RTTN: variants seen among roughly 807,000 people sequenced by gnomAD.
RTTN encodes rotatin.
RTTN carries 182 observed loss-of-function variants against 269.2 expected under a neutral mutation model. The observed-to-expected ratio is 0.68, with a 90% CI of 0.60 to 0.76. RTTN has a LOEUF of 0.76. Among genes scored for constraint, RTTN ranks in the 30% least tolerant of loss-of-function variants. The pLI is 0.00. For missense variants in RTTN, 2,545 were observed against 2,608.6 expected (o/e 0.98, Z 0.53); for synonymous variants, 1,006 against 963.5 (o/e 1.04, Z -0.82).
intron 10 of RTTN, among the ~76,000 whole-genome samples, chr18:70,184,707 T>TG (rs2061496322): frequency 1.6e-5 from 1 of 60,728 alleles, no homozygotes. Flanking sequence ...CAGCAGGTTT[T>TG]TTTTTTTTTT....
At chr18:70,044,873 A>C (rs1221386779) in intron 40 of RTTN, among the ~76,000 whole-genome samples, 1 of 152,174 alleles carries the variant, frequency 6.6e-6, no homozygotes, top group African/African-American at 2.4e-5. Flanking sequence ...TTAAGACGTT[A>C]AGTATTGTGT....
rs570387649 is a variant in RTTN, at chr18:70,087,748, T to TA, written c.4302+240dup. Reference sequence around the variant, plus strand: ...CTGTGAACTACCTTTCAATGCATAATAAAAAAAGTTCACATTAAAATATAG... The same window carrying TA: ...CTGTGAACTACCTTTCAATGCATAATAAAAAAAAGTTCACATTAAAATATAG... On this transcript the variant is annotated intron_variant, in intron 31 of 48. Transcript: ENST00000640769. Among the ~76,000 whole-genome samples the TA allele has an allele frequency of 2.3e-3, 352 of 152,186 alleles. 1 individual carries two copies. The highest frequency in any genetic ancestry group is 8.1e-3 in the African/African-American group (337 of 41,522).
At chr18:70,034,733 T>C (rs559760865) in intron 40 of RTTN, among the ~76,000 whole-genome samples, 2 of 152,244 alleles carry the variant, frequency 1.3e-5, no homozygotes, top group African/African-American at 2.4e-5. Context: ...GGCATCCAAA[T>C]AGGAAGAGAG....
chr18:70,074,480 C>A (rs1305055105), intron 33 of RTTN, among the ~76,000 whole-genome samples: 2 of 152,004 alleles, frequency 1.3e-5, no homozygotes, highest in African/African-American at 4.8e-5. Flanking sequence ...CTTAATAATT[C>A]GGGGATAAAG....
intron 46 of RTTN, 132 bp from the exon 47 acceptor site, chr18:70,006,616 CA>C: frequency 1.5e-6 from 1 of 673,688 alleles, no homozygotes; most frequent in East Asian, 2.7e-5. Context: ...TAGACTATGG[CA>C]AAACCAATCT....
intron 5 of RTTN, 148 bp from the exon 6 acceptor site, chr18:70,197,886 T>A: frequency 3.3e-6 from 2 of 607,608 alleles, no homozygotes; most frequent in African/African-American, 1.9e-5. Flanking sequence ...ATCTTTTCCC[T>A]AACCAATAAA....
chr18:70,060,084 A>G (rs1275298011), intron 35 of RTTN, 42 bp from the exon 36 acceptor site: 1 of 1,461,320 alleles, frequency 6.8e-7, no homozygotes, highest in Non-Finnish European at 9.2e-7. Flanking sequence ...TTTACCTTAC[A>G]GCTATGTACA....
intron 40 of RTTN, chr18:70,031,362 T>C (rs2057007839): frequency 1.0e-5 from 4 of 399,988 alleles, no homozygotes; most frequent in Non-Finnish European, 1.8e-5. Flanking sequence ...ATTTCCTCCT[T>C]TCTCCTTCTG....
In RTTN at chr18:70,024,752, G is replaced by C; in HGVS notation, c.5920C>G (p.Leu1974Val). 1.9e-6 allele frequency: 3 copies of C among 1,613,840 alleles called. No homozygotes were observed. Residue 1974 changes from leucine to valine, a missense_variant, in exon 44 of 49, where the codon CTT (leucine) becomes GTT (valine). Transcript: ENST00000640769. ...DSLMQISLQL[L>V]CVYTANFPNG... ...GGAAAATTTGCAGTATAGACACAAAGGAGCTGCAGAGAAATTTGCATCAAT... is the reference window on the plus strand; with the variant it reads ...GGAAAATTTGCAGTATAGACACAAACGAGCTGCAGAGAAATTTGCATCAAT...
At chr18:70,199,533 A>T (rs2061898174) in intron 4 of RTTN, 29 bp from the exon 5 acceptor site, 4 of 1,426,428 alleles carry the variant, frequency 2.8e-6, no homozygotes, top group Non-Finnish European at 4.0e-6. Context: ...ATCTTATGGT[A>T]TCAAAGAATA....
intron 25 of RTTN, among the ~76,000 whole-genome samples, chr18:70,123,486 C>T (rs528337544): frequency 6.6e-6 from 1 of 152,228 alleles, no homozygotes; most frequent in East Asian, 1.9e-4. Flanking sequence ...TCCCTTTTCC[C>T]TACCCATATC....
chr18:70,060,085 G>T, intron 35 of RTTN, 43 bp from the exon 36 acceptor site: 1 of 1,456,990 alleles, frequency 6.9e-7, no homozygotes, highest in Non-Finnish European at 9.3e-7. Flanking sequence ...TTACCTTACA[G>T]CTATGTACAA....
Position 70,172,925 on chromosome 18 carries a change from T to A in RTTN, c.1476+3750A>T, listed in dbSNP as rs183473932. ...TGTAGCACCACTAATTTTTCATTTA[T>A]ATAATATTAAGGAAGACACCCATAT... On this transcript the variant is annotated intron_variant, in intron 11 of 48. Transcript: ENST00000640769. 1.3e-3 allele frequency among the ~76,000 whole-genome samples: 200 copies of A among 152,314 alleles called. 1 individual carries two copies. Among genetic ancestry groups the A allele is most frequent in the African/African-American group, 4.6e-3 (192 of 41,570 alleles).
At position 70,176,828 on chromosome 18, in the gene RTTN, CAGG is replaced by C; in HGVS notation, c.1320_1322del (p.Leu441del). 6.2e-7 allele frequency: 1 copy of C among 1,613,148 alleles called. No homozygotes were observed. Among genetic ancestry groups the C allele is most frequent in the Non-Finnish European group, 8.5e-7 (1 of 1,179,534 alleles). Reference sequence around the variant, plus strand: ...TGGTTTCTCCAAGGGCTCCCAACACCAGGAGTAGTTTCTCCTTCTGAAAACATT... The same window carrying C: ...TGGTTTCTCCAAGGGCTCCCAACACCAGTAGTTTCTCCTTCTGAAAACATT... On this transcript the variant is annotated inframe_deletion, in exon 11 of 49. Transcript: ENST00000640769.
rs76004661 is a variant in RTTN, at chr18:70,106,134, G to A, written c.3903+3364C>T. ...AGGCCAAAGTGGGAAGATCATTTGC[G>A]CCAAAGAATTCAAGACAAACCTGGG... On this transcript the variant is annotated intron_variant, in intron 28 of 48. Transcript: ENST00000640769. Among the ~76,000 whole-genome samples the A allele has an allele frequency of 9.2e-3, 1,395 of 152,158 alleles. 26 individuals are homozygous for A. The highest frequency in any genetic ancestry group is 0.031 in the African/African-American group (1,298 of 41,516).
Position 70,109,568 on chromosome 18 carries a change from C to T in RTTN, c.3833G>A (p.Gly1278Glu), listed in dbSNP as rs1044623410. 1.9e-6 allele frequency: 3 copies of T among 1,613,944 alleles called. No homozygotes were observed. The highest frequency in any genetic ancestry group is 2.5e-6 in the Non-Finnish European group (3 of 1,179,966). The change falls in exon 28 of 49, where the codon GGA (glycine) becomes GAA (glutamate). Residue 1278 changes from glycine to glutamate, a missense_variant. By Grantham distance (98) the Gly-to-Glu change is moderately conservative (BLOSUM62 -2). Coordinates refer to ENST00000640769, the MANE Select transcript of RTTN (RefSeq NM_173630.4). ...TGTGAGAGGAGAGTGTGAGCTCCAT[C>T]CCGGAAACGCAGTGAGGTTAGCCAT... ...RGMANLTAFP[G>E]WSSHSPLTKP...
intron 27 of RTTN, among the ~76,000 whole-genome samples, chr18:70,113,279 T>C (rs1182549851): frequency 1.3e-5 from 2 of 152,122 alleles, no homozygotes; most frequent in African/African-American, 2.4e-5. Context: ...GATACACAAA[T>C]AGCCATAAGA....
intron 14 of RTTN, among the ~76,000 whole-genome samples, chr18:70,155,967 G>A (rs967652536): frequency 3.9e-5 from 6 of 151,904 alleles, no homozygotes; most frequent in South Asian, 2.1e-4. Flanking sequence ...CTGTCATCTC[G>A]TAAGCTGAGG....
rs964394216 is a variant in RTTN, at chr18:70,088,075, T to C, written c.4216A>G (p.Ser1406Gly). Reference protein sequence around the residue: ...LETGCVALANSCQNISGGLWG... With the variant: ...LETGCVALANGCQNISGGLWG... Reference sequence around the variant, plus strand: ...AGCCCACCGGAAATGTTCTGACAACTGTTTGCTAAGGCCACACAGCCCGTT... The same window carrying C: ...AGCCCACCGGAAATGTTCTGACAACCGTTTGCTAAGGCCACACAGCCCGTT... Residue 1406 changes from serine to glycine, a missense_variant, in exon 31 of 49, where the codon AGT becomes GGT. Coordinates refer to ENST00000640769, the MANE Select transcript of RTTN (RefSeq NM_173630.4). The C allele has an allele frequency of 1.9e-6, 3 of 1,614,004 alleles. No individual in the cohort carries two copies. The highest frequency in any genetic ancestry group is 1.7e-5 in the Admixed American group (1 of 59,950).
Sources: gnomAD v4.1 joint callset for allele counts (sites outside exome capture counted in the v4.1 genomes callset) on GRCh38, gnomAD v4.1.1 for gene constraint, MANE v1.5 for transcripts, NCBI Gene and HGNC (gene_info 2026-07-23, HGNC 2026-07-21) for gene names.